The following ZBTB33 variants were observed in gnomAD, a reference collection of about 807,000 sequenced individuals.
ZBTB33 encodes transcriptional regulator Kaiso.
In ZBTB33, 11 loss-of-function variants were observed where a neutral mutation model predicts 25.9. The observed-to-expected ratio is 0.42, with a 90% CI of 0.27 to 0.70. The LOEUF (loss-of-function observed/expected upper bound fraction) is 0.70. ZBTB33 is among the 30% of genes least tolerant of loss of function. ZBTB33 has a pLI of 0.23. For missense variants in ZBTB33, 343 were observed against 501.1 expected, an observed-to-expected ratio of 0.68 and a Z score of 3.01; for synonymous variants, 157 against 184.8, an observed-to-expected ratio of 0.85 and a Z score of 1.22.
Position 120,254,596 on chromosome X carries a change from T to C in ZBTB33, c.1181T>C (p.Ile394Thr). The stretch of plus-strand genomic sequence containing the variant: ...TCCAATTCCTTAAAAATTTCAGATA[T>C]AATTACTAGAAATACTAATGATCCA... ...PLSNSLKISD[I>T]ITRNTNDPGV... Residue 394 changes from isoleucine to threonine, a missense_variant, in exon 3 of 3, where the codon ATA (isoleucine) becomes ACA (threonine). Around this residue, in one of 2 missense-constraint regions of ZBTB33, gnomAD observed 304 missense variants for 410.0 expected, o/e 0.74. Transcript: ENST00000557385. 4.1e-6 allele frequency: 5 copies of C among 1,211,305 alleles called. No homozygotes were observed. The highest frequency in any genetic ancestry group is 2.3e-4 in the Middle Eastern group (1 of 4,354).
Position 120,254,503 on chromosome X carries a change from A to C in ZBTB33, c.1088A>C (p.Gln363Pro). Residue 363 changes from glutamine to proline, a missense_variant, in exon 3 of 3, where the codon CAA becomes CCA. Around this residue, in one of 2 missense-constraint regions of ZBTB33, gnomAD observed 304 missense variants for 410.0 expected, o/e 0.74. Transcript: ENST00000557385. ...TSLVPQADTS[Q>P]NTSFDGSLIQ... is the part of the protein sequence containing the mutation. ...TTGGTCCCACAGGCTGATACCTCCC[A>C]AAATACCAGTTTTGATGGATCATTA... The C allele has an allele frequency of 8.3e-7, 1 of 1,211,968 alleles. No individual in the cohort carries two copies.
chrX:120,254,029 A>C lies in ZBTB33; in HGVS notation c.614A>C (p.Lys205Thr), dbSNP rs188184561. The C allele has an allele frequency of 4.1e-5, 50 of 1,208,118 alleles. No individual in the cohort carries two copies. The highest frequency in any genetic ancestry group is 5.5e-5 in the Non-Finnish European group (49 of 893,949). Reference protein sequence around the residue: ...VIFCSEILPTKETLPSNNTVA... With the variant: ...VIFCSEILPTTETLPSNNTVA... ...TTTTGCTCCGAGATTCTGCCCACAA[A>C]GGAGACTTTGCCGAGTAATAACACA... The change falls in exon 3 of 3, where the codon AAG (lysine) becomes ACG (threonine). Residue 205 changes from lysine to threonine, a missense_variant. Lys to Thr is a moderately conservative substitution (Grantham distance 78). This residue lies in a region of ZBTB33 where 304 missense variants were observed against 410.0 expected (regional missense o/e 0.74). Transcript: ENST00000557385.
chrX:120,253,409 T>G lies in ZBTB33; in HGVS notation c.-2-5T>G, dbSNP rs782192755. 4 of 1,196,417 alleles carry G rather than the reference T, an allele frequency of 3.3e-6. No homozygotes were observed. Among genetic ancestry groups the G allele is most frequent in the Non-Finnish European group, 3.4e-6 (3 of 887,054 alleles). ...CTCCCATCCCCTCCTCTCTTTCTCT[T>G]AAAGGCATGGAGAGTAGAAAACTGA... is the stretch of plus-strand genomic sequence containing the variant. On this transcript the variant is annotated splice_polypyrimidine_tract_variant and splice_region_variant and intron_variant, in intron 2 of 2. Coordinates refer to ENST00000557385, the MANE Select transcript of ZBTB33 (RefSeq NM_001184742.2).
In ZBTB33 at chrX:120,257,026, A is replaced by G. The variant is rs2057642814; in HGVS notation, c.*1592A>G. On this transcript the variant is annotated 3_prime_UTR_variant, in exon 3 of 3. Coordinates refer to ENST00000557385, the MANE Select transcript of ZBTB33 (RefSeq NM_001184742.2). ...AGCTGGATTTGAAGGTAGTGGTTTC[A>G]GTGTTTCTTAAGTTGGTAGCTGAGG... 1 of 122,731 alleles carries G rather than the reference A, an allele frequency of 8.1e-6. No homozygotes were observed. Among genetic ancestry groups the G allele is most frequent in the African/African-American group, 3.3e-5 (1 of 30,673 alleles). The allele number at this position is 122,731 out of a possible 1,213,427, so 10.1% of individuals were successfully genotyped here.
intron 1 of ZBTB33, among the ~76,000 whole-genome samples, chrX:120,251,435 TCTA>T (rs1310350651): frequency 9.1e-6 from 1 of 109,505 alleles, no homozygotes; most frequent in Admixed American, 9.6e-5. Context: ...TTCGCCACCT[TCTA>T]CTTTCCCTGG....
rs1308063801 is a variant in ZBTB33, at chrX:120,256,840, CAT to C, written c.*1408_*1409del. On this transcript the variant is annotated 3_prime_UTR_variant, in exon 3 of 3. Transcript: ENST00000557385. ...ATTGATACTGGAAAAGATTGTTGTG[CAT>C]AGTTATTAGTCATTTGTAACCTTGC... The C allele has an allele frequency of 8.4e-6, 1 of 119,179 alleles. No homozygotes were observed. The highest frequency in any genetic ancestry group is 1.9e-5 in the Non-Finnish European group (1 of 52,222). The allele number at this position is 119,179 out of a possible 1,213,427, so 9.8% of individuals were successfully genotyped here. A position where few individuals can be genotyped will look rare whatever the true frequency, so the allele number is the denominator to read the frequency against.
intron 1 of ZBTB33, among the ~76,000 whole-genome samples, chrX:120,251,649 G>A (rs1010503134): frequency 8.9e-6 from 1 of 111,977 alleles, no homozygotes; most frequent in Admixed American, 9.4e-5. Context: ...CTCCCTCGCG[G>A]ATGGCTTTTA....
chrX:120,253,369 T>G, intron 2 of ZBTB33, 45 bp from the exon 3 acceptor site: 12 of 1,097,611 alleles, frequency 1.1e-5, no homozygotes, highest in Non-Finnish European at 1.5e-5. Flanking sequence ...ACTTTTGTTT[T>G]TTCTCTCTAA....
Position 120,254,553 on chromosome X carries a change from C to A in ZBTB33, c.1138C>A (p.Leu380Ile). Reference protein sequence around the residue: ...SLIQKMQIPTLLQEPLSNSLK... With the variant: ...SLIQKMQIPTILQEPLSNSLK... ...AATACAGAAGATGCAGATTCCTACA[C>A]TTCTTCAAGAACCACTTTCCAATTC... Residue 380 changes from leucine (L) to isoleucine (I), a missense_variant, in exon 3 of 3, where the codon CTT (leucine) becomes ATT (isoleucine). Physicochemically the swap from Leu to Ile is conservative, Grantham distance 5. Around this residue, in one of 2 missense-constraint regions of ZBTB33, gnomAD observed 304 missense variants for 410.0 expected, o/e 0.74. Transcript: ENST00000557385. The A allele has an allele frequency of 8.3e-7, 1 of 1,211,516 alleles. No individual in the cohort carries two copies.
rs1171180010 is a variant in ZBTB33 at position 120,253,971 on chromosome X, A to G, written c.556A>G (p.Thr186Ala). The change falls in exon 3 of 3, where the codon ACC becomes GCC. Residue 186 changes from threonine to alanine, a missense_variant. Transcript: ENST00000557385. Reference protein sequence around the residue: ...EDYEMKKIIVTDSDDDDDDVI... With the variant: ...EDYEMKKIIVADSDDDDDDVI... Reference sequence around the variant, plus strand: ...TTATGAAATGAAAAAGATCATTGTTACCGATTCTGATGATGATGATGATGA... The same window carrying G: ...TTATGAAATGAAAAAGATCATTGTTGCCGATTCTGATGATGATGATGATGA... 8.5e-7 allele frequency: 1 copy of G among 1,171,662 alleles called. No homozygotes were observed. The highest frequency in any genetic ancestry group is 1.1e-6 in the Non-Finnish European group (1 of 872,775).
chrX:120,252,551 C>A (rs2057607112), intron 1 of ZBTB33, 118 bp from the exon 2 acceptor site: 1 of 111,869 alleles, frequency 8.9e-6, no homozygotes, highest in African/African-American at 3.3e-5. Flanking sequence ...GGAAAAAATT[C>A]TCATACCAAT....
chrX:120,252,958 C>T (rs1193508687), intron 2 of ZBTB33, among the ~76,000 whole-genome samples, 188 bp downstream of exon 2: 1 of 111,858 alleles, frequency 8.9e-6, no homozygotes, highest in Non-Finnish European at 1.9e-5. Context: ...CAGTATTGCA[C>T]GCGCTGAGCT....
Position 120,253,790 on chromosome X carries a change from C to T in ZBTB33, c.375C>T (p.Ser125=), listed in dbSNP as rs782133769. Residue 125 remains serine, a synonymous_variant, in exon 3 of 3, where the codon AGC becomes AGT. Transcript: ENST00000557385. The stretch of plus-strand genomic sequence containing the variant: ...GTGTCCCATTGTCACAGGTTAAAAG[C>T]ATCTCAGGTACAGCGCAGGATGGTA... ...ELGVPLSQVK[S]ISGTAQDGNT... is the part of the protein sequence containing the mutation. 8 of 1,211,704 alleles carry T rather than the reference C, an allele frequency of 6.6e-6. No homozygotes were observed. Among genetic ancestry groups the T allele is most frequent in the Non-Finnish European group, 8.9e-6 (8 of 895,524 alleles).
At position 120,254,220 on chromosome X, in the gene ZBTB33, G is replaced by GT; in HGVS notation, c.806dup (p.Ser270IlefsTer59). The GT allele has an allele frequency of 8.3e-7, 1 of 1,211,817 alleles. No homozygotes were observed. Among genetic ancestry groups the GT allele is most frequent in the Non-Finnish European group, 1.1e-6 (1 of 895,533 alleles). On this transcript the variant is annotated frameshift_variant, in exon 3 of 3. Transcript: ENST00000557385. LOFTEE classifies it high-confidence loss of function. ...AACACAAGGAAGTGAAAAATTGTTG[G>GT]TATCTTCAGCTCCAACACATCTGAC...
rs1233240886 is a variant in ZBTB33, at chrX:120,257,455, GCAGATTCTACAAGTCTATTATGACAAAC to G, written c.*2025_*2052del. On this transcript the variant is annotated 3_prime_UTR_variant, in exon 3 of 3. Coordinates refer to ENST00000557385, the MANE Select transcript of ZBTB33 (RefSeq NM_001184742.2). ...AATTAGTTTGTCATAATAAAACTTG[GCAGATTCTACAAGTCTATTATGACAAAC>G]CAGGAACTAATTCTATAATGGAAAA... is the stretch of plus-strand genomic sequence containing the variant. The G allele has an allele frequency of 3.3e-5, 4 of 122,772 alleles. No homozygotes were observed. The highest frequency in any genetic ancestry group is 9.5e-5 in the Admixed American group (1 of 10,501). The allele number at this position is 122,772 out of a possible 1,213,427, so 10.1% of individuals were successfully genotyped here.
intron 2 of ZBTB33, among the ~76,000 whole-genome samples, chrX:120,253,135 G>A (rs376955378): frequency 9.0e-6 from 1 of 111,351 alleles, no homozygotes; most frequent in African/African-American, 3.3e-5. Flanking sequence ...TAGTGGAGGT[G>A]CATGTATCTA....
rs540993656 is a variant in ZBTB33 at position 120,257,479 on chromosome X, C to A, written c.*2045C>A. On this transcript the variant is annotated 3_prime_UTR_variant, in exon 3 of 3. Coordinates refer to ENST00000557385, the MANE Select transcript of ZBTB33 (RefSeq NM_001184742.2). ...GGCAGATTCTACAAGTCTATTATGACAAACCAGGAACTAATTCTATAATGG... is the reference window on the plus strand; with the variant it reads ...GGCAGATTCTACAAGTCTATTATGAAAAACCAGGAACTAATTCTATAATGG... 2.4e-5 allele frequency: 3 copies of A among 122,887 alleles called. No homozygotes were observed. The Admixed American group carries it at 2.9e-4, about 12-fold the overall frequency. The allele number at this position is 122,887 out of a possible 1,213,427, so 10.1% of individuals were successfully genotyped here.
rs181019657 is a variant in ZBTB33, at chrX:120,254,266, A to G, written c.851A>G (p.Asn284Ser). 5.8e-6 allele frequency: 7 copies of G among 1,210,509 alleles called. 1 individual carries two copies. In the Admixed American group the frequency reaches 8.7e-5, roughly 15 times the overall value. ...CTGACTCCCAATATTATTTTGTTAA[A>G]TCAGACACCACTTTCTACACCACCA... ...THLTPNIILL[N>S]QTPLSTPPNV... The change falls in exon 3 of 3, where the codon AAT (asparagine) becomes AGT (serine). Residue 284 changes from asparagine to serine, a missense_variant. Around this residue, in one of 2 missense-constraint regions of ZBTB33, gnomAD observed 304 missense variants for 410.0 expected, o/e 0.74. Transcript: ENST00000557385.
At position 120,255,327 on chromosome X, in the gene ZBTB33, A is replaced by G. The variant is rs782604657; in HGVS notation, c.1912A>G (p.Met638Val). The G allele has an allele frequency of 1.4e-5, 17 of 1,211,513 alleles. No homozygotes were observed. In the Admixed American group the frequency reaches 2.8e-4, roughly 20 times the overall value. Residue 638 changes from methionine (M) to valine (V), a missense_variant, in exon 3 of 3, where the codon ATG becomes GTG. By Grantham distance (21) the Met-to-Val change is conservative. This residue lies in a region of ZBTB33 where 304 missense variants were observed against 410.0 expected (regional missense o/e 0.74). Transcript: ENST00000557385. ...CACTACATCTACTCAGAACAAGCCAATGACCTGGGAAGATATTTTTATTCA... is the reference window on the plus strand; with the variant it reads ...CACTACATCTACTCAGAACAAGCCAGTGACCTGGGAAGATATTTTTATTCA... ...GTTTSTQNKP[M>V]TWEDIFIQQE...
Sources: allele counts gnomAD v4.1 joint callset (sites outside exome capture counted in the v4.1 genomes callset), GRCh38; gene constraint gnomAD v4.1.1; regional missense constraint gnomAD v4.1.1; transcripts MANE v1.5; gene names NCBI Gene and HGNC (gene_info 2026-07-23, HGNC 2026-07-21).